Variants in PPP3CB observed in about 807,000 individuals in gnomAD.
PPP3CB encodes the protein protein phosphatase 3 catalytic subunit beta, also known as serine/threonine-protein phosphatase 2B catalytic subunit beta isoform.
Under a neutral mutation model 66.4 loss-of-function variants are expected in PPP3CB, and 8 were observed. The ratio of observed to expected loss-of-function variants is 0.12; its 90% confidence interval spans 0.07 to 0.22. The LOEUF (loss-of-function observed/expected upper bound fraction) is 0.22. Among genes scored for constraint, PPP3CB ranks in the 10% least tolerant of loss-of-function variants. The probability of loss-of-function intolerance (pLI) is 1.00; values close to 1 mark genes in which losing one functional copy is unlikely to be tolerated. For synonymous variants in PPP3CB, 208 were observed against 221.2 expected, an observed-to-expected ratio of 0.94 and a Z score of 0.53; for missense variants, 319 against 642.5, an observed-to-expected ratio of 0.50 and a Z score of 5.44.
chr10:73,467,366 T>C (rs1462783133), intron 9 of PPP3CB, 187 bp downstream of exon 9: 5 of 354,106 alleles, frequency 1.4e-5, no homozygotes, highest in African/African-American at 2.1e-5. Flanking sequence ...CAGCCTCACA[T>C]GGGGGCTGTA....
At chr10:73,454,332 A>G (rs1022303429) in intron 10 of PPP3CB, 80 bp downstream of exon 10, 1 of 1,019,038 alleles carries the variant, frequency 9.8e-7, no homozygotes, top group Non-Finnish European at 1.4e-6. Context: ...ATTTTTTGCA[A>G]AATAGTGTGT....
At chr10:73,439,394 T>C (rs1297852645) in intron 13 of PPP3CB, among the ~76,000 whole-genome samples, 1 of 152,084 alleles carries the variant, frequency 6.6e-6, no homozygotes, top group Non-Finnish European at 1.5e-5. Flanking sequence ...AGAAAATCAT[T>C]ATAGTGACAG....
rs995716244 is a variant in PPP3CB, at chr10:73,437,671, A to G, written c.*571T>C. The stretch of plus-strand genomic sequence containing the variant: ...GGATATGCATTCATAATTAAAAAAT[A>G]CCAAGACTATGTTACAGAATTAGCC... On this transcript the variant is annotated 3_prime_UTR_variant, in exon 14 of 14. Transcript: ENST00000360663. The G allele has an allele frequency of 6.6e-6, 1 of 152,654 alleles. No homozygotes were observed. Among genetic ancestry groups the G allele is most frequent in the Non-Finnish European group, 1.5e-5 (1 of 68,038 alleles). 9.5% of individuals were successfully genotyped at this position (152,654 alleles called of 1,614,324 possible). A position where few individuals can be genotyped will look rare whatever the true frequency, so the allele number is the denominator to read the frequency against.
chr10:73,485,694 A>G (rs2056960010), intron 1 of PPP3CB, among the ~76,000 whole-genome samples: 1 of 151,840 alleles, frequency 6.6e-6, no homozygotes, highest in South Asian at 2.1e-4. Context: ...CAGAATTCCT[A>G]TTATAAGATT....
At chr10:73,451,742 CTTTTTTTTTTTT>C (rs765483729) in intron 10 of PPP3CB, among the ~76,000 whole-genome samples, 43 of 124,614 alleles carry the variant, frequency 3.5e-4, no homozygotes, top group African/African-American at 1.1e-3. Flanking sequence ...TCACTCATCT[CTTTTTTTTTTTT>C]TTTTTTTTTG....
At chr10:73,462,000 C>T (rs2132874686) in intron 9 of PPP3CB, among the ~76,000 whole-genome samples, 1 of 152,210 alleles carries the variant, frequency 6.6e-6, no homozygotes, top group South Asian at 2.1e-4. Flanking sequence ...CGCTCTCTTG[C>T]TCCTGCTCTC....
chr10:73,459,219 T>C (rs2132858919), intron 9 of PPP3CB, among the ~76,000 whole-genome samples: 1 of 152,342 alleles, frequency 6.6e-6, no homozygotes, highest in Non-Finnish European at 1.5e-5. Context: ...CCGGGCATGG[T>C]GGCTCACGCC....
intron 12 of PPP3CB, among the ~76,000 whole-genome samples, chr10:73,443,328 G>GAAAGAA (rs1425533106): frequency 5.3e-5 from 7 of 131,192 alleles, no homozygotes; most frequent in East Asian, 2.1e-4. Context: ...AAGAAAGAAA[G>GAAAGAA]AAAAAGAAAG....
chr10:73,458,930 C>T (rs982129815), intron 9 of PPP3CB, among the ~76,000 whole-genome samples: 2 of 151,798 alleles, frequency 1.3e-5, no homozygotes, highest in Non-Finnish European at 2.9e-5. Context: ...ATTAGCCGGG[C>T]GTGGTGGTGC....
intron 3 of PPP3CB, chr10:73,477,160 CATTAAT>C (rs772577073): frequency 3.9e-6 from 2 of 518,816 alleles, no homozygotes. Flanking sequence ...GTACTTACCT[CATTAAT>C]ATTATTGTGA....
chr10:73,451,351 AC>A (rs1391172307), intron 10 of PPP3CB, among the ~76,000 whole-genome samples: 1 of 152,088 alleles, frequency 6.6e-6, no homozygotes, highest in African/African-American at 2.4e-5. Context: ...AGATAAACCC[AC>A]AAATATATAG....
intron 9 of PPP3CB, among the ~76,000 whole-genome samples, chr10:73,458,270 G>A (rs1180091177): frequency 6.6e-6 from 1 of 152,002 alleles, no homozygotes; most frequent in African/African-American, 2.4e-5. Flanking sequence ...CTGAGTAGCT[G>A]GGATTACAGG....
intron 9 of PPP3CB, among the ~76,000 whole-genome samples, chr10:73,464,045 T>G (rs2056576136): frequency 6.6e-6 from 1 of 152,136 alleles, no homozygotes; most frequent in Non-Finnish European, 1.5e-5. Flanking sequence ...ATTCTCTGCC[T>G]GAGCCTCCCG....
chr10:73,447,626 C>T (rs565883789), intron 10 of PPP3CB, among the ~76,000 whole-genome samples: 53 of 152,210 alleles, frequency 3.5e-4, no homozygotes, highest in Non-Finnish European at 6.6e-4. Flanking sequence ...GAGAGAACAT[C>T]TCATTTAAAA....
At chr10:73,457,864 A>G (rs2056455768) in intron 9 of PPP3CB, among the ~76,000 whole-genome samples, 2 of 152,236 alleles carry the variant, frequency 1.3e-5, no homozygotes, top group South Asian at 4.1e-4. Flanking sequence ...ATTATCTCCC[A>G]TGAAACAACT....
At chr10:73,443,328 G>GAAAGAAAGAAAGAAAA (rs1425533106) in intron 12 of PPP3CB, among the ~76,000 whole-genome samples, 29 of 131,184 alleles carry the variant, frequency 2.2e-4, no homozygotes, top group African/African-American at 9.3e-4. Flanking sequence ...AAGAAAGAAA[G>GAAAGAAAGAAAGAAAA]AAAAAGAAAG....
At chr10:73,454,876 C>T (rs1489863686) in intron 9 of PPP3CB, among the ~76,000 whole-genome samples, 2 of 143,952 alleles carry the variant, frequency 1.4e-5, no homozygotes, top group South Asian at 4.4e-4. Flanking sequence ...AGGATTTAAT[C>T]TTTTTTTTTT....
intron 3 of PPP3CB, among the ~76,000 whole-genome samples, chr10:73,475,725 T>A (rs1358968625): frequency 6.6e-6 from 1 of 152,232 alleles, no homozygotes; most frequent in African/African-American, 2.4e-5. Context: ...TATTAAACAT[T>A]ATAGCAGATG....
intron 3 of PPP3CB, among the ~76,000 whole-genome samples, chr10:73,476,340 G>T (rs1004062141): frequency 6.6e-6 from 1 of 152,118 alleles, no homozygotes. Context: ...GCTACATCCA[G>T]GCGCAGTGGC....
Sources: allele counts gnomAD v4.1 joint callset (sites outside exome capture counted in the v4.1 genomes callset), GRCh38; gene constraint gnomAD v4.1.1; transcripts MANE v1.5; gene names NCBI Gene and HGNC (gene_info 2026-07-23, HGNC 2026-07-21).